The following ESRRG variants were observed in gnomAD, a reference collection of about 807,000 sequenced individuals.
The protein encoded by ESRRG is estrogen-related receptor gamma.
Under a neutral mutation model 44.0 loss-of-function variants are expected in ESRRG, and 13 were observed. The ratio of observed to expected loss-of-function variants is 0.30; its 90% CI spans 0.19 to 0.47. The LOEUF (loss-of-function observed/expected upper bound fraction) is 0.47. Ranked by LOEUF, ESRRG falls within the 20% of genes least tolerant of loss-of-function variation. ESRRG has a pLI of 1.00. For missense variants in ESRRG, 395 were observed against 580.6 expected (o/e 0.68, Z 3.29); for synonymous variants, 215 against 214.6 (o/e 1.00, Z -0.02).
chr1:216,927,361 C>G (rs2062731560), intron 2 of ESRRG, among the ~76,000 whole-genome samples: 1 of 152,212 alleles, frequency 6.6e-6, no homozygotes. Flanking sequence ...GAAGACGGCC[C>G]CTCACCACCC....
intron 2 of ESRRG, among the ~76,000 whole-genome samples, chr1:216,936,973 C>G (rs901645863): frequency 6.6e-6 from 1 of 152,086 alleles, no homozygotes; most frequent in African/African-American, 2.4e-5. Context: ...CATTCTCAAG[C>G]CATCCTGAAA....
chr1:216,744,450 AG>A (rs1360811744), intron 2 of ESRRG, among the ~76,000 whole-genome samples: 1 of 149,178 alleles, frequency 6.7e-6, no homozygotes, highest in Admixed American at 6.8e-5. Flanking sequence ...ATCTGAGTCT[AG>A]TACCACACAC....
At chr1:216,525,725 T>C (rs908119047) in intron 5 of ESRRG, among the ~76,000 whole-genome samples, 1 of 152,168 alleles carries the variant, frequency 6.6e-6, no homozygotes, top group African/African-American at 2.4e-5. Context: ...AGATGGATAC[T>C]GAATAGGGAA....
At chr1:216,927,404 G>A (rs893724170) in intron 2 of ESRRG, among the ~76,000 whole-genome samples, 1 of 152,200 alleles carries the variant, frequency 6.6e-6, no homozygotes, top group Non-Finnish European at 1.5e-5. Flanking sequence ...AACAAAGGGA[G>A]GGAGGCGTTC....
At chr1:216,548,969 G>C (rs546299222) in intron 5 of ESRRG, among the ~76,000 whole-genome samples, 1 of 151,978 alleles carries the variant, frequency 6.6e-6, no homozygotes, top group Non-Finnish European at 1.5e-5. Context: ...TGCAAATAAG[G>C]GACCTAGCAG....
At chr1:216,744,111 A>G (rs952568392) in intron 2 of ESRRG, among the ~76,000 whole-genome samples, 5 of 152,264 alleles carry the variant, frequency 3.3e-5, no homozygotes, top group Admixed American at 1.3e-4. Flanking sequence ...AAGTGCTTTA[A>G]GAGAACAAAG....
chr1:216,878,293 C>A (rs2096389030), intron 2 of ESRRG, among the ~76,000 whole-genome samples: 1 of 152,024 alleles, frequency 6.6e-6, no homozygotes, highest in Admixed American at 6.6e-5. Flanking sequence ...TCTTAATTTG[C>A]AGGCTTCTTT....
At chr1:216,813,966 G>T (rs1459987180) in intron 2 of ESRRG, among the ~76,000 whole-genome samples, 1 of 152,146 alleles carries the variant, frequency 6.6e-6, no homozygotes. Flanking sequence ...AAGAGATTAA[G>T]CATGCTAATT....
chr1:216,767,084 A>G (rs2093119039), intron 2 of ESRRG, among the ~76,000 whole-genome samples: 1 of 152,124 alleles, frequency 6.6e-6, no homozygotes, highest in African/African-American at 2.4e-5. Context: ...AGGTACAGTA[A>G]AGGGAAAGGC....
intron 1 of ESRRG, among the ~76,000 whole-genome samples, chr1:217,114,845 T>C (rs1378259208): frequency 6.6e-6 from 1 of 151,778 alleles, no homozygotes; most frequent in African/African-American, 2.4e-5. Context: ...TTAGTAGAGA[T>C]GATTTTTAGG....
intron 1 of ESRRG, among the ~76,000 whole-genome samples, chr1:217,014,911 A>G (rs2079119961): frequency 3.3e-5 from 5 of 152,120 alleles, no homozygotes; most frequent in Non-Finnish European, 2.9e-5. Context: ...CAAATCTTCT[A>G]TTTCTCAGGT....
chr1:216,585,540 A>T (rs1345750993), intron 3 of ESRRG, among the ~76,000 whole-genome samples: 1 of 152,108 alleles, frequency 6.6e-6, no homozygotes, highest in African/African-American at 2.4e-5. Flanking sequence ...AAGAAATCTG[A>T]TCTAACATCT....
chr1:216,676,697 A>G (rs989936212), intron 2 of ESRRG, among the ~76,000 whole-genome samples: 1 of 152,234 alleles, frequency 6.6e-6, no homozygotes, highest in African/African-American at 2.4e-5. Flanking sequence ...TCACTGGTCT[A>G]AAGTATTTAT....
At chr1:216,592,818 A>AT (rs1185811587) in intron 3 of ESRRG, among the ~76,000 whole-genome samples, 2 of 152,182 alleles carry the variant, frequency 1.3e-5, no homozygotes, top group Non-Finnish European at 2.9e-5. Flanking sequence ...CCATCTTGTT[A>AT]TAATCTGGCA....
intron 2 of ESRRG, among the ~76,000 whole-genome samples, chr1:216,651,804 A>G (rs1430928138): frequency 6.6e-6 from 1 of 152,200 alleles, no homozygotes; most frequent in Admixed American, 6.5e-5. Flanking sequence ...ATAAACTGCT[A>G]TGAAATTATA....
chr1:216,507,009 T>C lies in ESRRG; in HGVS notation c.1307A>G (p.Tyr436Cys), dbSNP rs1343852674. Reference sequence around the variant, plus strand: ...GACTTTGCCTTCTAGTTTGATGTTGTAGAAATGCTGCACGGCCTTGGTAGA... The same window carrying C: ...GACTTTGCCTTCTAGTTTGATGTTGCAGAAATGCTGCACGGCCTTGGTAGA... ...QTSTKAVQHFYNIKLEGKVPM... is the reference protein window; with the variant it reads ...QTSTKAVQHFCNIKLEGKVPM... Residue 436 changes from tyrosine to cysteine, a missense_variant, in exon 7 of 7, where the codon TAC becomes TGC. Transcript: ENST00000408911. The C allele has an allele frequency of 1.9e-6, 3 of 1,614,078 alleles. No individual in the cohort carries two copies. Among genetic ancestry groups the C allele is most frequent in the African/African-American group, 2.7e-5 (2 of 74,934 alleles).
chr1:216,738,992 A>G (rs1478598785), intron 2 of ESRRG, among the ~76,000 whole-genome samples: 1 of 152,188 alleles, frequency 6.6e-6, no homozygotes, highest in Non-Finnish European at 1.5e-5. Context: ...CTGGGATTAC[A>G]GGTATGTCCC....
intron 2 of ESRRG, among the ~76,000 whole-genome samples, chr1:216,819,243 G>A (rs1000830274): frequency 2.0e-5 from 3 of 152,046 alleles, no homozygotes; most frequent in Non-Finnish European, 2.9e-5. Context: ...ACCACAACTC[G>A]CCAGCATCTG....
At chr1:216,965,532 G>A (rs1470304777) in intron 1 of ESRRG, among the ~76,000 whole-genome samples, 2 of 152,086 alleles carry the variant, frequency 1.3e-5, no homozygotes, top group African/African-American at 2.4e-5. Context: ...TGGTATGGCC[G>A]AGGGGACATG....
Sources: gnomAD v4.1 joint callset for allele counts (sites outside exome capture counted in the v4.1 genomes callset) on GRCh38, gnomAD v4.1.1 for gene constraint, MANE v1.5 for transcripts, NCBI Gene and HGNC (gene_info 2026-07-23, HGNC 2026-07-21) for gene names.